The following ADAMTSL1 variants were observed in gnomAD, a reference collection of about 807,000 sequenced individuals.
ADAMTSL1 encodes the protein ADAMTS-like protein 1.
In ADAMTSL1, 126 loss-of-function variants were observed where a neutral mutation model predicts 201.8. The observed-to-expected ratio is 0.62, with a 90% confidence interval of 0.54 to 0.72. The LOEUF (loss-of-function observed/expected upper bound fraction) is 0.72. ADAMTSL1 is among the 30% of genes least tolerant of loss of function. The pLI, the probability that ADAMTSL1 is intolerant of heterozygous loss-of-function variation, is 0.00. For synonymous variants in ADAMTSL1, 1,121 were observed against 903.4 expected (o/e 1.24, Z -4.32); for missense variants, 2,679 against 2,277.8 (o/e 1.18, Z -3.59).
intron 1 of ADAMTSL1, among the ~76,000 whole-genome samples, chr9:18,130,826 G>A (rs1426209795): frequency 6.6e-6 from 1 of 152,064 alleles, no homozygotes; most frequent in Non-Finnish European, 1.5e-5. Context: ...CTTAGAACAT[G>A]AGCAGACACA....
At chr9:17,935,520 G>A (rs1826968814) in intron 1 of ADAMTSL1, among the ~76,000 whole-genome samples, 1 of 152,096 alleles carries the variant, frequency 6.6e-6, no homozygotes, top group African/African-American at 2.4e-5. Flanking sequence ...GGCTAAAACT[G>A]AGTTCCTGTT....
intron 26 of ADAMTSL1, among the ~76,000 whole-genome samples, chr9:18,893,123 C>G (rs954447002): frequency 6.6e-6 from 1 of 151,992 alleles, no homozygotes; most frequent in Non-Finnish European, 1.5e-5. Flanking sequence ...TTTCCAGTGA[C>G]ATAATGTATA....
In ADAMTSL1 at chr9:18,503,421, G is replaced by GTGTATATATATATATATATATA. The variant is rs376466829; in HGVS notation, c.64-1407_64-1406insGTATATATATATATATATATAT. Among the ~76,000 whole-genome samples the GTGTATATATATATATATATATA allele has an allele frequency of 6.9e-3, 796 of 115,108 alleles. 53 individuals are homozygous for GTGTATATATATATATATATATA. Among genetic ancestry groups the GTGTATATATATATATATATATA allele is most frequent in the East Asian group, 0.037 (129 of 3,452 alleles). The allele number at this position is 115,108 out of a possible 152,430, so 75.5% of individuals were successfully genotyped here. On this transcript the variant is annotated intron_variant, in intron 1 of 28. Coordinates refer to ENST00000380548, the MANE Select transcript of ADAMTSL1 (RefSeq NM_001040272.6). ...TTAAGGCTGAATAGTATTCCATTGT[G>GTGTATATATATATATATATATA]TATATATATATATATATATACCACA...
chr9:18,313,584 GAC>G (rs1445885645), intron 2 of ADAMTSL1, among the ~76,000 whole-genome samples: 3 of 152,108 alleles, frequency 2.0e-5, no homozygotes, highest in African/African-American at 4.8e-5. Flanking sequence ...CTTTCCAACA[GAC>G]AGTGTTTGAA....
chr9:17,913,134 C>A (rs1355525203), intron 1 of ADAMTSL1, among the ~76,000 whole-genome samples: 1 of 152,094 alleles, frequency 6.6e-6, no homozygotes, highest in Non-Finnish European at 1.5e-5. Context: ...TAGCGTGATA[C>A]CTCCAGCTTT....
At chr9:18,576,099 T>C (rs773552056) in intron 4 of ADAMTSL1, among the ~76,000 whole-genome samples, 33 of 152,124 alleles carry the variant, frequency 2.2e-4, no homozygotes, top group Non-Finnish European at 4.6e-4. Flanking sequence ...TTCTTATGAG[T>C]ATGACAGATT....
At chr9:18,285,422 A>G (rs902509768) in intron 2 of ADAMTSL1, among the ~76,000 whole-genome samples, 19 of 152,154 alleles carry the variant, frequency 1.2e-4, no homozygotes, top group African/African-American at 4.6e-4. Flanking sequence ...AGTCACAAAC[A>G]TTAATAGAGT....
intron 2 of ADAMTSL1, among the ~76,000 whole-genome samples, chr9:18,405,750 T>C (rs10810963): frequency 0.28 from 42,290 of 152,130 alleles, 7,565 homozygotes; most frequent in East Asian, 0.69. Flanking sequence ...ATGTTATGTT[T>C]AGATATAGAA....
intron 2 of ADAMTSL1, among the ~76,000 whole-genome samples, chr9:18,458,093 T>A (rs79949927): frequency 0.01 from 1,555 of 152,292 alleles, 34 homozygotes; most frequent in African/African-American, 0.035. Context: ...ACCCTACTCC[T>A]TTTTTTGCAA....
At chr9:18,879,688 T>C (rs191701808) in intron 23 of ADAMTSL1, among the ~76,000 whole-genome samples, 21 of 152,344 alleles carry the variant, frequency 1.4e-4, no homozygotes, top group Non-Finnish European at 2.1e-4. Context: ...CTTAAGCAAG[T>C]CTAATCTTTT....
At chr9:18,123,875 G>A (rs893778970) in intron 1 of ADAMTSL1, among the ~76,000 whole-genome samples, 1 of 152,060 alleles carries the variant, frequency 6.6e-6, no homozygotes, top group Non-Finnish European at 1.5e-5. Flanking sequence ...CTGACAAATT[G>A]TTTTTCACAG....
intron 23 of ADAMTSL1, among the ~76,000 whole-genome samples, chr9:18,832,713 T>A (rs910376915): frequency 1.3e-5 from 2 of 152,186 alleles, no homozygotes; most frequent in Non-Finnish European, 2.9e-5. Flanking sequence ...CATTTTAATG[T>A]TCTTACCAAG....
At chr9:18,904,387 T>C (rs1333129662) in intron 26 of ADAMTSL1, among the ~76,000 whole-genome samples, 1 of 151,998 alleles carries the variant, frequency 6.6e-6, no homozygotes, top group Non-Finnish European at 1.5e-5. Flanking sequence ...GATAATCACT[T>C]GTACCTGAGA....
intron 1 of ADAMTSL1, among the ~76,000 whole-genome samples, chr9:17,981,696 C>T (rs188244169): frequency 5.1e-4 from 78 of 152,282 alleles, no homozygotes; most frequent in African/African-American, 1.7e-3. Context: ...AAGCTGCTTG[C>T]ACTTGTGGTA....
Position 18,889,593 on chromosome 9 carries a change from G to A in ADAMTSL1, c.4488G>A (p.Leu1496=), listed in dbSNP as rs753213047. 1.9e-6 allele frequency: 3 copies of A among 1,613,790 alleles called. No individual in the cohort carries two copies. Among genetic ancestry groups the A allele is most frequent in the East Asian group, 4.5e-5 (2 of 44,854 alleles). The part of the protein sequence containing the change: ...IQDYWWSVDR[L]ATCSASCGNR... ...ATTACTGGTGGTCTGTGGACAGACTGGCAACCTGCTCAGCCTCCTGTGGTA... is the reference window on the plus strand; with the variant it reads ...ATTACTGGTGGTCTGTGGACAGACTAGCAACCTGCTCAGCCTCCTGTGGTA... The change falls in exon 25 of 29, where the codon CTG becomes CTA. Residue 1496 remains leucine, a synonymous_variant. Transcript: ENST00000380548.
At chr9:18,020,071 CT>C (rs922896051) in intron 1 of ADAMTSL1, among the ~76,000 whole-genome samples, 3 of 152,020 alleles carry the variant, frequency 2.0e-5, no homozygotes, top group African/African-American at 7.2e-5. Flanking sequence ...GGGAACTTTT[CT>C]GTTTAGTTTC....
intron 2 of ADAMTSL1, among the ~76,000 whole-genome samples, chr9:18,532,165 T>G (rs1000161922): frequency 6.6e-6 from 1 of 152,184 alleles, no homozygotes; most frequent in Non-Finnish European, 1.5e-5. Flanking sequence ...TTTTTCATGA[T>G]TTAAGTGTCA....
rs575558219 is a variant in ADAMTSL1 at position 18,585,112 on chromosome 9, A to G, written c.474+10846A>G. 3.9e-5 allele frequency among the ~76,000 whole-genome samples: 6 copies of G among 152,256 alleles called. No individual in the cohort carries two copies. In the South Asian group the frequency reaches 1.0e-3, roughly 26 times the overall value. ...TTCATAGAAATTCATTTATTTCGTA[A>G]TATTTTATTTTTGTCACCGTAGCTG... On this transcript the variant is annotated intron_variant, in intron 4 of 28. Coordinates refer to ENST00000380548, the MANE Select transcript of ADAMTSL1 (RefSeq NM_001040272.6).
At chr9:18,841,022 C>T (rs1323167127) in intron 23 of ADAMTSL1, among the ~76,000 whole-genome samples, 2 of 145,328 alleles carry the variant, frequency 1.4e-5, no homozygotes, top group Admixed American at 6.9e-5. Flanking sequence ...ATTGAATACC[C>T]TTTATTTCCT....
Sources: allele counts gnomAD v4.1 joint callset (sites outside exome capture counted in the v4.1 genomes callset), GRCh38; gene constraint gnomAD v4.1.1; transcripts MANE v1.5; gene names NCBI Gene and HGNC (gene_info 2026-07-23, HGNC 2026-07-21).